Variants in TAFA1 observed in about 807,000 individuals in gnomAD.
TAFA1 encodes the protein TAFA chemokine like family member 1.
TAFA1 carries 4 observed loss-of-function variants against 18.5 expected under a neutral mutation model. That is an observed-to-expected ratio of 0.22 (90% CI 0.11 to 0.49). The LOEUF (loss-of-function observed/expected upper bound fraction) is 0.49. TAFA1 is among the 20% of genes least tolerant of loss of function. The pLI is 0.98. For synonymous variants in TAFA1, 56 were observed against 55.2 expected (o/e 1.01, Z -0.06); for missense variants, 147 against 169.0 (o/e 0.87, Z 0.72).
intron 3 of TAFA1, among the ~76,000 whole-genome samples, chr3:68,418,409 A>C (rs1186146735): frequency 6.6e-6 from 1 of 150,688 alleles, no homozygotes; most frequent in African/African-American, 2.4e-5. Flanking sequence ...TCACAAGGTA[A>C]TGTCGTCACT....
chr3:68,021,367 A>T (rs969329137), intron 2 of TAFA1, among the ~76,000 whole-genome samples: 1 of 152,148 alleles, frequency 6.6e-6, no homozygotes, highest in African/African-American at 2.4e-5. Flanking sequence ...ATTGTGCTAT[A>T]GTTCTATTAA....
At chr3:68,044,428 G>T (rs928971883) in intron 2 of TAFA1, among the ~76,000 whole-genome samples, 1 of 151,978 alleles carries the variant, frequency 6.6e-6, no homozygotes, top group African/African-American at 2.4e-5. Flanking sequence ...GTTTTGCTCA[G>T]AAAAAAATCT....
intron 3 of TAFA1, among the ~76,000 whole-genome samples, chr3:68,536,793 T>C (rs2073284946): frequency 6.6e-6 from 1 of 152,206 alleles, no homozygotes; most frequent in African/African-American, 2.4e-5. Context: ...TCATCCTTGA[T>C]ATTCCCCTGA....
At chr3:68,417,654 G>C (rs1187219501) in intron 3 of TAFA1, 1 of 499,118 alleles carries the variant, frequency 2.0e-6, no homozygotes, top group African/African-American at 1.9e-5. Context: ...TTGCAGCATT[G>C]AGAGGTGGGA....
chr3:68,541,576 A>T (rs1433592127), intron 4 of TAFA1, among the ~76,000 whole-genome samples: 2 of 151,168 alleles, frequency 1.3e-5, no homozygotes, highest in Non-Finnish European at 2.9e-5. Flanking sequence ...TTCTGCTGTT[A>T]TCAAAGAGGT....
At chr3:68,172,237 C>G (rs1026458145) in intron 2 of TAFA1, among the ~76,000 whole-genome samples, 1 of 152,086 alleles carries the variant, frequency 6.6e-6, no homozygotes, top group Non-Finnish European at 1.5e-5. Context: ...CAAAGGCTCC[C>G]CAATAAGACT....
intron 3 of TAFA1, among the ~76,000 whole-genome samples, chr3:68,450,131 T>C (rs1321981699): frequency 6.6e-6 from 1 of 152,176 alleles, no homozygotes; most frequent in Admixed American, 6.5e-5. Context: ...AAAGAAGGGA[T>C]GCAGTCAAAC....
Position 68,262,342 on chromosome 3 carries a change from TATATATA to T in TAFA1, c.119-154937_119-154931del, listed in dbSNP as rs1559585928. Among the ~76,000 whole-genome samples, 45 of 92,756 alleles carry T rather than the reference TATATATA, an allele frequency of 4.9e-4. 2 individuals carry two copies. The highest frequency in any genetic ancestry group is 1.0e-3 in the African/African-American group (25 of 23,996). The allele number at this position is 92,756 out of a possible 152,430, so 60.9% of individuals were successfully genotyped here. Reference sequence around the variant, plus strand: ...ATATATATATATATATATATATATATATATATATATATATATTTCATGGGTATATTGA... The same window carrying T: ...ATATATATATATATATATATATATATTATATATATTTCATGGGTATATTGA... On this transcript the variant is annotated intron_variant, in intron 2 of 4. Coordinates refer to ENST00000478136, the MANE Select transcript of TAFA1 (RefSeq NM_213609.4).
intron 2 of TAFA1, among the ~76,000 whole-genome samples, chr3:68,294,381 T>A (rs1401498838): frequency 6.6e-6 from 1 of 151,970 alleles, no homozygotes; most frequent in Non-Finnish European, 1.5e-5. Context: ...GGTGGAAAAA[T>A]TTATTAATGG....
chr3:68,444,809 TATAA>T (rs1443003018), intron 3 of TAFA1, among the ~76,000 whole-genome samples: 8 of 105,328 alleles, frequency 7.6e-5, no homozygotes, highest in African/African-American at 1.9e-4. Context: ...TATATATATA[TATAA>T]AATAAATTAA....
chr3:68,153,405 C>A (rs1352946140), intron 2 of TAFA1, among the ~76,000 whole-genome samples: 1 of 152,026 alleles, frequency 6.6e-6, no homozygotes, highest in Non-Finnish European at 1.5e-5. Context: ...GCTCTGAGGT[C>A]ATGATTAGAA....
intron 2 of TAFA1, among the ~76,000 whole-genome samples, chr3:68,012,343 A>G (rs1010272834): frequency 3.9e-5 from 6 of 152,212 alleles, no homozygotes; most frequent in African/African-American, 7.2e-5. Flanking sequence ...GAGGAGTTTC[A>G]TCTCCGTCAA....
At chr3:68,014,710 T>C (rs984749383) in intron 2 of TAFA1, among the ~76,000 whole-genome samples, 1 of 152,192 alleles carries the variant, frequency 6.6e-6, no homozygotes, top group African/African-American at 2.4e-5. Context: ...TTTTCTTATG[T>C]AAAAAAGCAT....
chr3:68,419,334 A>G (rs547602893), intron 3 of TAFA1, among the ~76,000 whole-genome samples: 29 of 152,252 alleles, frequency 1.9e-4, no homozygotes, highest in African/African-American at 6.7e-4. Context: ...TTTATCTACC[A>G]TTTTCAACAT....
At chr3:68,172,031 A>G (rs2066060728) in intron 2 of TAFA1, among the ~76,000 whole-genome samples, 1 of 152,192 alleles carries the variant, frequency 6.6e-6, no homozygotes, top group African/African-American at 2.4e-5. Flanking sequence ...AGAAAGGGGA[A>G]GAAAGAAATT....
chr3:68,339,771 A>G (rs1575789433), intron 2 of TAFA1, among the ~76,000 whole-genome samples: 1 of 152,194 alleles, frequency 6.6e-6, no homozygotes, highest in Non-Finnish European at 1.5e-5. Context: ...AACTATGACT[A>G]GGCCAGCCTC....
chr3:68,077,657 C>T (rs1237042813), intron 2 of TAFA1, among the ~76,000 whole-genome samples: 1 of 151,924 alleles, frequency 6.6e-6, no homozygotes, highest in Non-Finnish European at 1.5e-5. Context: ...TGTTCTGTTC[C>T]ATTGATCTAT....
chr3:68,230,675 T>C (rs1226645532), intron 2 of TAFA1, among the ~76,000 whole-genome samples: 1 of 152,216 alleles, frequency 6.6e-6, no homozygotes, highest in Non-Finnish European at 1.5e-5. Context: ...CTTCTACTTT[T>C]AATTTTTTGA....
intron 3 of TAFA1, among the ~76,000 whole-genome samples, chr3:68,530,269 G>A (rs1312972548): frequency 6.6e-6 from 1 of 152,098 alleles, no homozygotes; most frequent in Non-Finnish European, 1.5e-5. Flanking sequence ...TAGTTCCATG[G>A]CAAAATGCCT....
Sources: allele counts gnomAD v4.1 joint callset (sites outside exome capture counted in the v4.1 genomes callset), GRCh38; gene constraint gnomAD v4.1.1; transcripts MANE v1.5; gene names NCBI Gene and HGNC (gene_info 2026-07-23, HGNC 2026-07-21).